The following SCN1A variants were observed in gnomAD, a reference collection of about 807,000 sequenced individuals.
SCN1A encodes the protein sodium channel protein type 1 subunit alpha.
A neutral mutation model predicts 193.7 loss-of-function variants in SCN1A; 13 were observed. The observed-to-expected ratio is 0.07, with a 90% CI of 0.04 to 0.11. The LOEUF (loss-of-function observed/expected upper bound fraction) is 0.11. Ranked by LOEUF, SCN1A falls within the 10% of genes least tolerant of loss-of-function variation. SCN1A has a pLI of 1.00. For missense variants in SCN1A, 1,432 were observed against 2,451.1 expected (o/e 0.58, Z 8.78); for synonymous variants, 781 against 843.6 (o/e 0.93, Z 1.29).
rs200483506 is a variant in SCN1A, at chr2:166,139,157, CTT to C, written c.-50+9888_-50+9889del. ...TAGGCAGAAGGGACTTGCCTTGAGA[CTT>C]TGGATTGTGGACTTTTCAGTTAATG... On this transcript the variant is annotated intron_variant, in intron 1 of 26. Coordinates refer to the SCN1A transcript ENST00000635750. Among the ~76,000 whole-genome samples, 658 of 152,178 alleles carry C rather than the reference CTT, an allele frequency of 4.3e-3. 4 individuals are homozygous for C. The highest frequency in any genetic ancestry group is 0.015 in the African/African-American group (637 of 41,518).
At chr2:166,147,713 G>T (rs1304159165) in intron 1 of SCN1A, among the ~76,000 whole-genome samples, 11 of 152,056 alleles carry the variant, frequency 7.2e-5, no homozygotes, top group Admixed American at 3.9e-4. Context: ...GACCATAATT[G>T]TCTCTTTAAA....
At position 166,019,914 on chromosome 2, in the gene SCN1A, T is replaced by G. The variant is rs1459217548; in HGVS notation, c.3430-4187A>C. Among the ~76,000 whole-genome samples the G allele has an allele frequency of 2.3e-5, 3 of 130,976 alleles. No individual in the cohort carries two copies. The South Asian group carries it at 6.5e-4, about 28-fold the overall frequency. The allele number at this position is 130,976 out of a possible 152,430, so 85.9% of individuals were successfully genotyped here. A position where few individuals can be genotyped will look rare whatever the true frequency, so the allele number is the denominator to read the frequency against. ...TGTATGTTAATCAAGGTGAACTTCT[T>G]TTTTTTTTTTTTTTGAGACAGAGTC... On this transcript the variant is annotated intron_variant, in intron 19 of 28. Coordinates refer to ENST00000674923, the MANE Select transcript of SCN1A (RefSeq NM_001165963.4).
Position 166,088,446 on chromosome 2 carries a change from G to C in SCN1A, c.-141-10645C>G, listed in dbSNP as rs145821247. Among the ~76,000 whole-genome samples, 408 of 151,932 alleles carry C rather than the reference G, an allele frequency of 2.7e-3. 6 individuals are homozygous for C. The highest frequency in any genetic ancestry group is 9.7e-3 in the African/African-American group (401 of 41,462). On this transcript the variant is annotated intron_variant, in intron 2 of 28. Coordinates refer to ENST00000674923, the MANE Select transcript of SCN1A (RefSeq NM_001165963.4). ...TAAAGAAAAAAATGCATGCTTTTTT[G>C]GATTCATTTCTACTCTTTCATATCA...
At chr2:166,079,719 T>C (rs1413299170) in intron 2 of SCN1A, among the ~76,000 whole-genome samples, 5 of 151,096 alleles carry the variant, frequency 3.3e-5, no homozygotes, top group Admixed American at 6.6e-5. Flanking sequence ...TATCATTTAC[T>C]GGAGAAATAA....
rs546243090 is a variant in SCN1A, at chr2:166,039,785, C to T, written c.2416-189G>A. Reference sequence around the variant, plus strand: ...ATTTAATTTTATCCTTGTGGAAACGCGAAGTAGATAATATACAATTATTAC... The same window carrying T: ...ATTTAATTTTATCCTTGTGGAAACGTGAAGTAGATAATATACAATTATTAC... On this transcript the variant is annotated intron_variant, in intron 16 of 28. Coordinates refer to ENST00000674923, the MANE Select transcript of SCN1A (RefSeq NM_001165963.4). 4.3e-4 allele frequency among the ~76,000 whole-genome samples: 66 copies of T among 151,928 alleles called. 3 individuals are homozygous for T. The South Asian group carries it at 0.014, about 31-fold the overall frequency.
chr2:166,089,503 T>C (rs1422921875), intron 2 of SCN1A, among the ~76,000 whole-genome samples: 1 of 151,956 alleles, frequency 6.6e-6, no homozygotes, highest in Non-Finnish European at 1.5e-5. Context: ...CAATGTAAAA[T>C]GCATTTCTCA....
intron 5 of SCN1A, among the ~76,000 whole-genome samples, chr2:166,058,336 A>G (rs1559253677): frequency 6.6e-6 from 1 of 152,038 alleles, no homozygotes. Flanking sequence ...AAAGATAACA[A>G]AAGTACATAA....
intron 19 of SCN1A, among the ~76,000 whole-genome samples, chr2:166,019,189 G>C (rs1344626718): frequency 6.6e-6 from 1 of 151,968 alleles, no homozygotes. Context: ...ATAGAGCTTG[G>C]AGTCACTCCA....
chr2:166,094,599 G>A (rs1030905491), intron 2 of SCN1A, among the ~76,000 whole-genome samples: 1 of 152,092 alleles, frequency 6.6e-6, no homozygotes, highest in African/African-American at 2.4e-5. Flanking sequence ...AAAATAAGTT[G>A]GATATGATAA....
chr2:166,048,932 C>T lies in SCN1A; in HGVS notation c.982G>A (p.Glu328Lys). Residue 328 changes from glutamate (E) to lysine (K), a missense_variant, in exon 10 of 29, where the codon GAG becomes AAG. Coordinates refer to ENST00000674923, the MANE Select transcript of SCN1A (RefSeq NM_001165963.4). ...IQDSRYHYFL[E>K]GFLDALLCGN... ...CATAGTAGTGCATCTAAAAAACCCT[C>T]CAGGAAATAATGATATCCTGTTTGA... 1 of 1,604,470 alleles carries T rather than the reference C, an allele frequency of 6.2e-7. No individual in the cohort carries two copies. Among genetic ancestry groups the T allele is most frequent in the Non-Finnish European group, 8.5e-7 (1 of 1,171,932 alleles).
In SCN1A at chr2:166,013,795, G is replaced by C; in HGVS notation, c.3654C>G (p.Asn1218Lys). ...RRTCFRIVEH[N>K]WFETFIVFMI... ...TGAAAACAATGAAGGTCTCAAACCAGTTATGTTCAACTATTCGGAAACACG... is the reference window on the plus strand; with the variant it reads ...TGAAAACAATGAAGGTCTCAAACCACTTATGTTCAACTATTCGGAAACACG... Residue 1218 changes from asparagine to lysine, a missense_variant, in exon 21 of 29, where the codon AAC becomes AAG. Coordinates refer to ENST00000674923, the MANE Select transcript of SCN1A (RefSeq NM_001165963.4). The C allele has an allele frequency of 6.2e-7, 1 of 1,612,150 alleles. No individual in the cohort carries two copies. Among genetic ancestry groups the C allele is most frequent in the Non-Finnish European group, 8.5e-7 (1 of 1,178,610 alleles).
At position 166,045,134 on chromosome 2, in the gene SCN1A, T is replaced by A. The variant is rs1406176906; in HGVS notation, c.1571A>T (p.Glu524Val). 2 of 1,614,154 alleles carry A rather than the reference T, an allele frequency of 1.2e-6. No homozygotes were observed. Among genetic ancestry groups the A allele is most frequent in the South Asian group, 2.2e-5 (2 of 91,090 alleles). Reference protein sequence around the residue: ...EKDEDEFQKSESEDSIRRKGF... With the variant: ...EKDEDEFQKSVSEDSIRRKGF... ...TTTCCTCCTGATGCTGTCCTCAGAT[T>A]CAGATTTTTGGAATTCATCCTCATC... The change falls in exon 13 of 29, where the codon GAA (glutamate) becomes GTA (valine). Residue 524 changes from glutamate to valine, a missense_variant. Around this residue, in one of 18 missense-constraint regions of SCN1A, gnomAD observed 316 missense variants for 362.1 expected, o/e 0.87. Transcript: ENST00000674923.
Position 166,118,298 on chromosome 2 carries a change from G to GCTTCTTTTTTTTTTTTTTTTTTTTTTT in SCN1A, c.-142+8625_-142+8626insAAAAAAAAAAAAAAAAAAAAAAAGAAG, listed in dbSNP as rs371947861. ...TTCTTTGCTTACTGATTTCTATTTA[G>GCTTCTTTTTTTTTTTTTTTTTTTTTTT]TTTCTTTTTTTTTTTTTTTTTTTTT... is the stretch of plus-strand genomic sequence containing the variant. On this transcript the variant is annotated intron_variant, in intron 2 of 28. Transcript: ENST00000674923. 9.8e-4 allele frequency among the ~76,000 whole-genome samples: 44 copies of GCTTCTTTTTTTTTTTTTTTTTTTTTTT among 44,696 alleles called. 15 individuals carry two copies. The highest frequency in any genetic ancestry group is 1.7e-3 in the African/African-American group (23 of 13,742). 29.3% of individuals were successfully genotyped at this position (44,696 alleles called of 152,430 possible).
exon 1 of SCN1A, chr2:166,149,129 T>C (rs542021823): frequency 6.6e-6 from 1 of 152,264 alleles, no homozygotes; most frequent in African/African-American, 2.4e-5. Flanking sequence ...GTTCCATGAG[T>C]TTCCACAGGC....
In SCN1A at chr2:165,987,699, A is replaced by G. The variant is rs953465161; in HGVS notation, c.*3546T>C. On this transcript the variant is annotated 3_prime_UTR_variant, in exon 29 of 29. Coordinates refer to ENST00000674923, the MANE Select transcript of SCN1A (RefSeq NM_001165963.4). ...TAGTTGGTTCCTGTGTCTTACTGAC[A>G]TGACCTCATCATTCTTTGAAGAATA... 7 of 152,198 alleles carry G rather than the reference A, an allele frequency of 4.6e-5. No homozygotes were observed. Among genetic ancestry groups the G allele is most frequent in the African/African-American group, 1.7e-4 (7 of 41,454 alleles). The allele number at this position is 152,198 out of a possible 1,614,324, so 9.4% of individuals were successfully genotyped here. A position where few individuals can be genotyped will look rare whatever the true frequency, so the allele number is the denominator to read the frequency against.
chr2:165,995,511 T>G lies in SCN1A; in HGVS notation c.4581+502A>C, dbSNP rs570020773. On this transcript the variant is annotated intron_variant, in intron 27 of 28. Transcript: ENST00000674923. ...ATACCTAACTCTATAGCCATACATA[T>G]GAATAGTAGATACTGGAATTCTTTC... 3.3e-5 allele frequency among the ~76,000 whole-genome samples: 5 copies of G among 151,948 alleles called. No individual in the cohort carries two copies. The South Asian group carries it at 1.0e-3, about 31-fold the overall frequency.
Position 166,100,740 on chromosome 2 carries a change from C to CA in SCN1A, c.-141-22940dup, listed in dbSNP as rs1229735711. On this transcript the variant is annotated intron_variant, in intron 2 of 28. Transcript: ENST00000674923. The stretch of plus-strand genomic sequence containing the variant: ...TCTCAAAAGAAGACATTTATGCAGC[C>CA]AAAAAACACATGAAAAAATGCTCAT... Among the ~76,000 whole-genome samples, 539 of 128,496 alleles carry CA rather than the reference C, an allele frequency of 4.2e-3. 5 individuals carry two copies. The highest frequency in any genetic ancestry group is 0.015 in the African/African-American group (498 of 33,772). 84.3% of individuals were successfully genotyped at this position (128,496 alleles called of 152,430 possible).
intron 2 of SCN1A, among the ~76,000 whole-genome samples, chr2:166,084,670 C>T (rs1685909456): frequency 6.6e-6 from 1 of 152,106 alleles, no homozygotes; most frequent in South Asian, 2.1e-4. Flanking sequence ...TTGGAAATAT[C>T]TACTTTGATA....
Position 166,037,290 on chromosome 2 carries a change from G to A in SCN1A, c.2946+486C>T, listed in dbSNP as rs147403981. Among the ~76,000 whole-genome samples the A allele has an allele frequency of 1.3e-4, 20 of 152,272 alleles. No individual in the cohort carries two copies. In the East Asian group the frequency reaches 3.9e-3, roughly 29 times the overall value. ...ATAGAGTGATTGAATATCATATGCT[G>A]CAATGGGGCAAAGAAATGGCACAAG... is the stretch of plus-strand genomic sequence containing the variant. On this transcript the variant is annotated intron_variant, in intron 18 of 28. Transcript: ENST00000674923.
Sources: allele counts gnomAD v4.1 joint callset (sites outside exome capture counted in the v4.1 genomes callset), GRCh38; gene constraint gnomAD v4.1.1; regional missense constraint gnomAD v4.1.1; transcripts MANE v1.5; gene names NCBI Gene and HGNC (gene_info 2026-07-23, HGNC 2026-07-21).